The following LIN28B variants were observed in gnomAD, a reference collection of about 807,000 sequenced individuals.
LIN28B encodes protein lin-28 homolog B.
In LIN28B, 5 loss-of-function variants were observed where a neutral mutation model predicts 21.9. The ratio of observed to expected loss-of-function variants is 0.23; its 90% CI spans 0.12 to 0.48. The LOEUF is 0.48. LIN28B is among the 20% of genes least tolerant of loss of function. LIN28B has a pLI of 0.98. For synonymous variants in LIN28B, 109 were observed against 111.3 expected, an observed-to-expected ratio of 0.98 and a Z score of 0.13; for missense variants, 245 against 310.5, an observed-to-expected ratio of 0.79 and a Z score of 1.58.
rs537594141 is a variant in LIN28B at position 105,032,749 on chromosome 6, T to G, written c.383+6267T>G. On this transcript the variant is annotated intron_variant, in intron 3 of 3. Coordinates refer to ENST00000345080, the MANE Select transcript of LIN28B (RefSeq NM_001004317.4). ...AAAAAAAAATTTTTTTTAACCATTC[T>G]GTTAGGCGTGTGGTGATATCTCATC... 2.0e-5 allele frequency among the ~76,000 whole-genome samples: 3 copies of G among 152,238 alleles called. No homozygotes were observed. In the South Asian group the frequency reaches 6.2e-4, roughly 32 times the overall value.
In LIN28B at chr6:105,072,171, A is replaced by G. The variant is rs192726255; in HGVS notation, c.384-6243A>G. ...ACTTACATATAATAAAATTACATCA[A>G]TATTGTTGGGTATAACATTTTTATG... is the stretch of plus-strand genomic sequence containing the variant. On this transcript the variant is annotated intron_variant, in intron 3 of 3. Coordinates refer to ENST00000345080, the MANE Select transcript of LIN28B (RefSeq NM_001004317.4). 2.4e-4 allele frequency among the ~76,000 whole-genome samples: 36 copies of G among 152,276 alleles called. No homozygotes were observed. The East Asian group carries it at 6.2e-3, about 26-fold the overall frequency.
intron 3 of LIN28B, among the ~76,000 whole-genome samples, chr6:105,048,069 G>C (rs748877665): frequency 6.6e-6 from 1 of 152,216 alleles, no homozygotes; most frequent in Non-Finnish European, 1.5e-5. Flanking sequence ...AATAAGAGTG[G>C]TGAGAGAGGG....
intron 3 of LIN28B, among the ~76,000 whole-genome samples, chr6:105,027,140 C>T (rs1183277906): frequency 1.3e-5 from 2 of 152,028 alleles, no homozygotes; most frequent in African/African-American, 2.4e-5. Flanking sequence ...CTTAGATGTA[C>T]ATTTTTGAAA....
intron 3 of LIN28B, among the ~76,000 whole-genome samples, chr6:105,042,561 G>C (rs1347395884): frequency 6.6e-6 from 1 of 151,660 alleles, no homozygotes; most frequent in Non-Finnish European, 1.5e-5. Context: ...TCTTTTGTAA[G>C]ATCATTATTT....
intron 3 of LIN28B, among the ~76,000 whole-genome samples, chr6:105,060,419 T>G (rs2114400159): frequency 6.6e-6 from 1 of 152,154 alleles, no homozygotes; most frequent in East Asian, 1.9e-4. Flanking sequence ...AGTGAGCCAC[T>G]GTGCTTGACC....
intron 3 of LIN28B, among the ~76,000 whole-genome samples, chr6:105,035,585 T>C (rs536327534): frequency 6.6e-6 from 1 of 152,286 alleles, no homozygotes; most frequent in South Asian, 2.1e-4. Context: ...AATAGTTTGC[T>C]TATTTTAAAC....
At chr6:104,939,159 T>A (rs1582851802) in intron 2 of LIN28B, among the ~76,000 whole-genome samples, 1 of 152,354 alleles carries the variant, frequency 6.6e-6, no homozygotes, top group African/African-American at 2.4e-5. Flanking sequence ...CAGATGGTGA[T>A]ATAATTAATT....
intron 2 of LIN28B, among the ~76,000 whole-genome samples, chr6:105,006,691 T>C (rs1770822032): frequency 6.6e-6 from 1 of 152,204 alleles, no homozygotes; most frequent in Non-Finnish European, 1.5e-5. Flanking sequence ...TTGCACTACA[T>C]GTTCAGTGTG....
chr6:104,989,466 G>A (rs949530647), intron 2 of LIN28B, among the ~76,000 whole-genome samples: 2 of 151,040 alleles, frequency 1.3e-5, no homozygotes, highest in African/African-American at 2.4e-5. Context: ...CAAGCAGTCC[G>A]CCCACCTTGG....
chr6:105,010,899 A>AT (rs1221204785), intron 2 of LIN28B, among the ~76,000 whole-genome samples: 1 of 152,002 alleles, frequency 6.6e-6, no homozygotes, highest in Non-Finnish European at 1.5e-5. Flanking sequence ...AATTATTTTC[A>AT]TTTTTTTCCT....
upstream of LIN28B, among the ~76,000 whole-genome samples, chr6:104,952,215 C>T (rs1270111560): frequency 6.6e-6 from 1 of 152,112 alleles, no homozygotes; most frequent in Admixed American, 6.5e-5. Context: ...GTGTTTGCTC[C>T]ACAGACTCAT....
At chr6:105,009,107 A>G (rs1462760204) in intron 2 of LIN28B, among the ~76,000 whole-genome samples, 1 of 152,174 alleles carries the variant, frequency 6.6e-6, no homozygotes, top group East Asian at 1.9e-4. Flanking sequence ...GATTTTAATG[A>G]TTGAGAAATA....
At chr6:105,063,998 A>C (rs2114405591) in intron 3 of LIN28B, among the ~76,000 whole-genome samples, 1 of 151,920 alleles carries the variant, frequency 6.6e-6, no homozygotes, top group Non-Finnish European at 1.5e-5. Context: ...AGGAAAAACA[A>C]AAGCACTGAG....
chr6:104,995,690 T>G (rs1770583942), intron 2 of LIN28B, among the ~76,000 whole-genome samples: 2 of 152,314 alleles, frequency 1.3e-5, no homozygotes, highest in South Asian at 4.1e-4. Context: ...TATAAATGTT[T>G]AGATCCACAA....
chr6:105,030,467 A>G (rs1216370333), intron 3 of LIN28B, among the ~76,000 whole-genome samples: 1 of 152,184 alleles, frequency 6.6e-6, no homozygotes, highest in Non-Finnish European at 1.5e-5. Flanking sequence ...CAATTATGTG[A>G]AGCAGCCTTG....
At chr6:105,005,305 G>C (rs2114298167) in intron 2 of LIN28B, among the ~76,000 whole-genome samples, 1 of 152,128 alleles carries the variant, frequency 6.6e-6, no homozygotes, top group African/African-American at 2.4e-5. Context: ...GTTTCACAGT[G>C]ATTTTGCAGG....
intron 2 of LIN28B, chr6:104,940,609 G>C (rs981720142): frequency 6.6e-6 from 1 of 150,684 alleles, no homozygotes; most frequent in African/African-American, 2.4e-5. Flanking sequence ...GGCCGGTAGC[G>C]GCGGCGGGCA....
In LIN28B at chr6:104,982,443, A is replaced by G. The variant is rs115907682; in HGVS notation, c.198+24157A>G. The stretch of plus-strand genomic sequence containing the variant: ...AGTTGTGTGGTACATTAGTTATTGT[A>G]AATTCCTGAAAGAAAAGCAAAAGTT... On this transcript the variant is annotated intron_variant, in intron 2 of 3. Coordinates refer to ENST00000345080, the MANE Select transcript of LIN28B (RefSeq NM_001004317.4). 2.4e-3 allele frequency among the ~76,000 whole-genome samples: 362 copies of G among 152,364 alleles called. 3 individuals are homozygous for G. The highest frequency in any genetic ancestry group is 8.5e-3 in the African/African-American group (354 of 41,596).
chr6:104,981,210 T>C (rs571585719), intron 2 of LIN28B, among the ~76,000 whole-genome samples: 3 of 152,122 alleles, frequency 2.0e-5, no homozygotes, highest in Admixed American at 1.3e-4. Flanking sequence ...ACCACTTGGG[T>C]TTTTTTTCCT....
Sources: allele counts gnomAD v4.1 joint callset (sites outside exome capture counted in the v4.1 genomes callset), GRCh38; gene constraint gnomAD v4.1.1; transcripts MANE v1.5; gene names NCBI Gene and HGNC (gene_info 2026-07-23, HGNC 2026-07-21).